SLC8A1: variants seen among roughly 807,000 people sequenced by gnomAD.
SLC8A1 encodes the protein solute carrier family 8 member A1.
Under a neutral mutation model 68.3 loss-of-function variants are expected in SLC8A1, and 18 were observed. That is an observed-to-expected ratio of 0.26 (90% CI 0.18 to 0.39). The LOEUF is 0.39. SLC8A1 is among the 10% of genes least tolerant of loss of function. The pLI is 1.00. For synonymous variants in SLC8A1, 475 were observed against 415.5 expected, an observed-to-expected ratio of 1.14 and a Z score of -1.74; for missense variants, 985 against 1,156.7, an observed-to-expected ratio of 0.85 and a Z score of 2.15.
intron 2 of SLC8A1, among the ~76,000 whole-genome samples, chr2:40,205,911 A>T (rs1240798162): frequency 2.0e-5 from 3 of 151,940 alleles, no homozygotes; most frequent in African/African-American, 7.2e-5. Context: ...TGCAGGGATC[A>T]CGTTTTCCTA....
At chr2:40,104,721 A>G (rs1429082280) in exon 8 of SLC8A1, 2 of 152,196 alleles carry the variant, frequency 1.3e-5, no homozygotes, top group Non-Finnish European at 2.9e-5. Context: ...TTTGCACAAA[A>G]TAAATGCTTG....
At chr2:40,369,811 C>G (rs887674896) in intron 2 of SLC8A1, among the ~76,000 whole-genome samples, 45 of 151,948 alleles carry the variant, frequency 3.0e-4, no homozygotes, top group African/African-American at 1.1e-3. Flanking sequence ...ACAGCCAATT[C>G]TGAGAGCAGA....
At chr2:40,419,611 A>G (rs1694907837) in intron 2 of SLC8A1, among the ~76,000 whole-genome samples, 1 of 152,108 alleles carries the variant, frequency 6.6e-6, no homozygotes, top group African/African-American at 2.4e-5. Flanking sequence ...AGGAACACAG[A>G]TATACACACT....
At chr2:40,494,069 C>T (rs1705516301) in intron 1 of SLC8A1, among the ~76,000 whole-genome samples, 1 of 151,668 alleles carries the variant, frequency 6.6e-6, no homozygotes. Flanking sequence ...TTACAGGCCT[C>T]TGCAATCACT....
Position 40,506,040 on chromosome 2 carries a change from C to A in SLC8A1, c.-25+6309G>T, listed in dbSNP as rs374368479. 5.4e-4 allele frequency among the ~76,000 whole-genome samples: 81 copies of A among 151,238 alleles called. 1 individual carries two copies. The highest frequency in any genetic ancestry group is 1.8e-3 in the African/African-American group (75 of 41,268). On this transcript the variant is annotated intron_variant, in intron 1 of 7. Transcript: ENST00000402441. ...TTCTGCAGAATTTCTCAGAGCTAGTCATGTGTTAGTGTGCCTTCTGGCACC... is the reference window on the plus strand; with the variant it reads ...TTCTGCAGAATTTCTCAGAGCTAGTAATGTGTTAGTGTGCCTTCTGGCACC...
At chr2:40,181,345 T>G (rs188959453) in intron 2 of SLC8A1, among the ~76,000 whole-genome samples, 28 of 152,348 alleles carry the variant, frequency 1.8e-4, no homozygotes, top group African/African-American at 6.5e-4. Context: ...AAATAAGCAT[T>G]TATGATTTAT....
intron 6 of SLC8A1, among the ~76,000 whole-genome samples, chr2:40,155,253 C>T (rs1030591299): frequency 3.3e-5 from 5 of 152,094 alleles, no homozygotes; most frequent in African/African-American, 1.2e-4. Context: ...CCTCAGCCTT[C>T]CTAGTAGCTG....
At chr2:40,108,012 C>T (rs1215536549) in exon 8 of SLC8A1, 1 of 152,206 alleles carries the variant, frequency 6.6e-6, no homozygotes, top group African/African-American at 2.4e-5. Flanking sequence ...ATAGATCAGT[C>T]TGGGCCTTGT....
chr2:40,323,879 A>G (rs1398322838), intron 2 of SLC8A1, among the ~76,000 whole-genome samples: 1 of 152,160 alleles, frequency 6.6e-6, no homozygotes, highest in Non-Finnish European at 1.5e-5. Context: ...CTAGTATGAG[A>G]AAGGTGTTTC....
chr2:40,330,137 C>T (rs1232908043), intron 2 of SLC8A1, among the ~76,000 whole-genome samples: 1 of 152,154 alleles, frequency 6.6e-6, no homozygotes, highest in African/African-American at 2.4e-5. Context: ...CTATCCTACG[C>T]TATTTATTAG....
At chr2:40,239,142 A>G (rs1202038324) in intron 2 of SLC8A1, among the ~76,000 whole-genome samples, 1 of 152,154 alleles carries the variant, frequency 6.6e-6, no homozygotes, top group Non-Finnish European at 1.5e-5. Context: ...AGTAATCTTC[A>G]CCTAAAAAGG....
At chr2:40,349,071 A>T (rs1374623948) in intron 2 of SLC8A1, among the ~76,000 whole-genome samples, 1 of 152,216 alleles carries the variant, frequency 6.6e-6, no homozygotes, top group Non-Finnish European at 1.5e-5. Context: ...AGGGCTTCCT[A>T]GACTCCTTCA....
rs545299256 is a variant in SLC8A1 at position 40,136,181 on chromosome 2, A to G, written c.2437+3220T>C. 5.3e-4 allele frequency among the ~76,000 whole-genome samples: 80 copies of G among 152,286 alleles called. 1 individual carries two copies. The highest frequency in any genetic ancestry group is 1.8e-3 in the African/African-American group (76 of 41,568). ...CTCTTTCTCCAGAGAAGTAAGTCTG[A>G]AAAATGGTGATTTGGGAAGAGGAGG... is the stretch of plus-strand genomic sequence containing the variant. On this transcript the variant is annotated intron_variant, in intron 7 of 7. Coordinates refer to ENST00000406785, the Ensembl canonical transcript of SLC8A1.
In SLC8A1 at chr2:40,460,657, G is replaced by A. The variant is rs1260568052; in HGVS notation, c.-24-30353C>T. Among the ~76,000 whole-genome samples, 11 of 150,718 alleles carry A rather than the reference G, an allele frequency of 7.3e-5. No individual in the cohort carries two copies. The East Asian group carries it at 1.4e-3, about 19-fold the overall frequency. ...TGCAGTGGCATGATCTGCAACCTCC[G>A]CCTCCTGGGTTCAAGTGATTCTCCT... On this transcript the variant is annotated intron_variant, in intron 1 of 7. Coordinates refer to the SLC8A1 transcript ENST00000402441.
At position 40,269,142 on chromosome 2, in the gene SLC8A1, A is replaced by T. The variant is rs553847214; in HGVS notation, c.1809-91287T>A. Among the ~76,000 whole-genome samples, 7 of 152,340 alleles carry T rather than the reference A, an allele frequency of 4.6e-5. No homozygotes were observed. In the South Asian group the frequency reaches 1.5e-3, roughly 32 times the overall value. On this transcript the variant is annotated intron_variant, in intron 2 of 7. Transcript: ENST00000406785. ...AAGGCTTCCAGAACTCAACTCTATT[A>T]TAGACTAAGAACTTTACTTCGTCAA...
At chr2:40,411,567 A>C (rs964418531) in intron 2 of SLC8A1, among the ~76,000 whole-genome samples, 1 of 152,082 alleles carries the variant, frequency 6.6e-6, no homozygotes, top group Admixed American at 6.6e-5. Flanking sequence ...GATATTATTT[A>C]TGTATAAACG....
intron 2 of SLC8A1, among the ~76,000 whole-genome samples, chr2:40,385,622 C>T (rs995595283): frequency 6.6e-6 from 1 of 151,212 alleles, no homozygotes; most frequent in South Asian, 2.1e-4. Flanking sequence ...TAAACTTTGG[C>T]AGGCTGAAGC....
chr2:40,485,166 C>G (rs995548908), intron 1 of SLC8A1, among the ~76,000 whole-genome samples: 2 of 152,070 alleles, frequency 1.3e-5, no homozygotes, highest in Non-Finnish European at 2.9e-5. Context: ...CAACCATCCC[C>G]TCCACCTTCA....
intron 2 of SLC8A1, among the ~76,000 whole-genome samples, chr2:40,388,633 A>G (rs1367229749): frequency 6.6e-6 from 1 of 152,152 alleles, no homozygotes; most frequent in Non-Finnish European, 1.5e-5. Context: ...CTGGTTTTTG[A>G]CAATTTTGTT....
Sources: gnomAD v4.1 joint callset for allele counts (sites outside exome capture counted in the v4.1 genomes callset) on GRCh38, gnomAD v4.1.1 for gene constraint, MANE v1.5 for transcripts, NCBI Gene and HGNC (gene_info 2026-07-23, HGNC 2026-07-21) for gene names.